The following GLT1D1 variants were observed in gnomAD, a reference collection of about 807,000 sequenced individuals.
The protein encoded by GLT1D1 is glycosyltransferase 1 domain-containing protein 1.
In GLT1D1, 21 loss-of-function variants were observed where a neutral mutation model predicts 28.7. The ratio of observed to expected loss-of-function variants is 0.73; its 90% CI spans 0.52 to 1.05. The LOEUF is 1.05. GLT1D1 is among the 50% of genes least tolerant of loss of function. The pLI is 0.00. For synonymous variants in GLT1D1, 147 were observed against 124.8 expected, an observed-to-expected ratio of 1.18 and a Z score of -1.19; for missense variants, 343 against 330.6, an observed-to-expected ratio of 1.04 and a Z score of -0.29.
At chr12:128,982,056 A>G (rs1880365832) in intron 7 of GLT1D1, among the ~76,000 whole-genome samples, 1 of 152,104 alleles carries the variant, frequency 6.6e-6, no homozygotes, top group South Asian at 2.1e-4. Context: ...AAGGGCTTTG[A>G]TATTAAAACC....
At chr12:128,864,087 G>C in intron 1 of GLT1D1, 2 of 638,388 alleles carry the variant, frequency 3.1e-6, no homozygotes, top group Non-Finnish European at 5.7e-6. Context: ...CTGTGGGCAG[G>C]TCCCTGCACG....
intron 7 of GLT1D1, among the ~76,000 whole-genome samples, chr12:128,968,486 A>G (rs1183146445): frequency 1.4e-5 from 2 of 147,110 alleles, no homozygotes; most frequent in Non-Finnish European, 3.1e-5. Flanking sequence ...ACATGGCCAA[A>G]CCCCATCTCT....
At chr12:128,963,272 C>T (rs1417992942) in intron 7 of GLT1D1, among the ~76,000 whole-genome samples, 1 of 152,122 alleles carries the variant, frequency 6.6e-6, no homozygotes, top group African/African-American at 2.4e-5. Context: ...CCCAGGAGGG[C>T]CTGCTGTGGG....
At chr12:128,972,117 G>T (rs547788810) in intron 7 of GLT1D1, among the ~76,000 whole-genome samples, 3 of 152,080 alleles carry the variant, frequency 2.0e-5, no homozygotes, top group South Asian at 2.1e-4. Context: ...GGCTGCATGC[G>T]GGGCAAAGCC....
intron 4 of GLT1D1, among the ~76,000 whole-genome samples, chr12:128,944,057 G>A (rs1004591554): frequency 1.3e-5 from 2 of 152,134 alleles, no homozygotes; most frequent in African/African-American, 4.8e-5. Flanking sequence ...GAGGATAGCT[G>A]CGTAAAACAC....
intron 4 of GLT1D1, among the ~76,000 whole-genome samples, chr12:128,931,357 G>A (rs1873861224): frequency 6.7e-6 from 1 of 149,648 alleles, no homozygotes; most frequent in South Asian, 2.1e-4. Context: ...ACCCAGGCTG[G>A]AGTGCAGTGG....
At chr12:128,935,316 C>A (rs1388315610) in intron 4 of GLT1D1, among the ~76,000 whole-genome samples, 2 of 152,068 alleles carry the variant, frequency 1.3e-5, no homozygotes, top group Middle Eastern at 6.8e-3. Context: ...CTGAGGTGGG[C>A]GGATCGCTTG....
intron 3 of GLT1D1, 51 bp downstream of exon 3, chr12:128,888,795 T>C: frequency 8.1e-7 from 1 of 1,227,338 alleles, no homozygotes; most frequent in Non-Finnish European, 1.2e-6. Flanking sequence ...CTGTGTGAAT[T>C]GAATTAATTG....
At chr12:128,920,019 G>C (rs537016013) in intron 4 of GLT1D1, among the ~76,000 whole-genome samples, 11 of 118,768 alleles carry the variant, frequency 9.3e-5, no homozygotes, top group African/African-American at 2.9e-4. Flanking sequence ...CTATCTCTCT[G>C]TCAACTCTAT....
At chr12:128,959,415 G>C (rs9943791) in intron 7 of GLT1D1, among the ~76,000 whole-genome samples, 28,494 of 84,604 alleles carry the variant, frequency 0.34, 6,045 homozygotes, top group Non-Finnish European at 0.44. Flanking sequence ...AGGCAGTGGG[G>C]GGGGACGGGT....
At chr12:128,882,513 T>C (rs1376651121) in intron 2 of GLT1D1, among the ~76,000 whole-genome samples, 1 of 152,070 alleles carries the variant, frequency 6.6e-6, no homozygotes, top group Non-Finnish European at 1.5e-5. Context: ...TGACCTCAGG[T>C]GACCCACCAC....
chr12:128,920,048 A>C (rs1293469653), intron 4 of GLT1D1, among the ~76,000 whole-genome samples: 1 of 150,190 alleles, frequency 6.7e-6, no homozygotes, highest in African/African-American at 2.5e-5. Flanking sequence ...CTATAATGGA[A>C]ACTCAAATTT....
chr12:128,902,856 A>C (rs909813714), intron 4 of GLT1D1, among the ~76,000 whole-genome samples: 2 of 151,420 alleles, frequency 1.3e-5, no homozygotes, highest in African/African-American at 4.9e-5. Context: ...CAGCCTGGCC[A>C]ACATGACGAA....
intron 4 of GLT1D1, chr12:128,926,387 C>CA: frequency 2.0e-6 from 3 of 1,529,412 alleles, no homozygotes; most frequent in Non-Finnish European, 1.8e-6. Flanking sequence ...ATAATTTGCA[C>CA]ATATTTCTTC....
At chr12:128,898,030 T>A (rs1366457072) in intron 3 of GLT1D1, among the ~76,000 whole-genome samples, 1 of 152,220 alleles carries the variant, frequency 6.6e-6, no homozygotes, top group Non-Finnish European at 1.5e-5. Flanking sequence ...GGTTTTGATC[T>A]TTCTATCTTT....
intron 4 of GLT1D1, among the ~76,000 whole-genome samples, chr12:128,943,130 G>T (rs533928745): frequency 6.6e-6 from 1 of 152,156 alleles, no homozygotes; most frequent in Non-Finnish European, 1.5e-5. Context: ...AATGCTAACA[G>T]GTATCGATTT....
At chr12:128,981,337 G>A (rs530454682) in intron 7 of GLT1D1, among the ~76,000 whole-genome samples, 2 of 152,262 alleles carry the variant, frequency 1.3e-5, no homozygotes, top group South Asian at 4.1e-4. Context: ...TAAGCAGAGC[G>A]GGGAAGGAGG....
intron 1 of GLT1D1, among the ~76,000 whole-genome samples, chr12:128,854,231 G>A (rs1418440944): frequency 6.6e-6 from 1 of 152,146 alleles, no homozygotes; most frequent in Non-Finnish European, 1.5e-5. Context: ...TGTTCTGGTC[G>A]CTGGAACGCA....
chr12:128,901,771 G>A (rs921659836), intron 4 of GLT1D1, among the ~76,000 whole-genome samples: 6 of 149,332 alleles, frequency 4.0e-5, no homozygotes, highest in Non-Finnish European at 5.9e-5. Context: ...TTTTTGAGAC[G>A]GGCTCTCATT....
Sources: allele counts gnomAD v4.1 joint callset (sites outside exome capture counted in the v4.1 genomes callset), GRCh38; gene constraint gnomAD v4.1.1; transcripts MANE v1.5; gene names NCBI Gene and HGNC (gene_info 2026-07-23, HGNC 2026-07-21).